Variants in NRG3 observed in about 807,000 individuals in gnomAD.
The protein encoded by NRG3 is pro-neuregulin-3, membrane-bound isoform.
NRG3 carries 31 observed loss-of-function variants against 66.9 expected under a neutral mutation model. That is an observed-to-expected ratio of 0.46 (90% CI 0.35 to 0.63). The LOEUF (loss-of-function observed/expected upper bound fraction) is 0.63, where lower values mean the gene tolerates loss of function less well. Ranked by LOEUF, NRG3 falls within the 20% of genes least tolerant of loss-of-function variation. NRG3 has a pLI of 0.00. For missense variants in NRG3, 910 were observed against 878.9 expected (o/e 1.04, Z -0.45); for synonymous variants, 393 against 359.4 (o/e 1.09, Z -1.06).
chr10:82,770,704 G>A (rs1476294550), intron 3 of NRG3, among the ~76,000 whole-genome samples: 2 of 152,152 alleles, frequency 1.3e-5, no homozygotes, highest in Non-Finnish European at 2.9e-5. Context: ...CATAACCTCA[G>A]AAGGGCATAG....
chr10:82,927,023 C>G (rs2224628), intron 4 of NRG3, among the ~76,000 whole-genome samples: 56,949 of 151,766 alleles, frequency 0.38, 11,061 homozygotes, highest in East Asian at 0.62. Context: ...TTCCTCAGCA[C>G]CATCACTACT....
intron 1 of NRG3, among the ~76,000 whole-genome samples, chr10:82,210,502 G>A (rs191293889): frequency 1.2e-4 from 18 of 152,294 alleles, no homozygotes; most frequent in Admixed American, 2.6e-4. Flanking sequence ...AGATTGGGTT[G>A]TGCGAAAGAG....
chr10:82,858,592 T>C (rs140638216), intron 3 of NRG3, among the ~76,000 whole-genome samples: 1 of 152,338 alleles, frequency 6.6e-6, no homozygotes, highest in Admixed American at 6.5e-5. Context: ...TCAGTTGCAA[T>C]GGACTACCTC....
intron 1 of NRG3, among the ~76,000 whole-genome samples, chr10:81,916,345 A>G (rs1845705092): frequency 6.6e-6 from 1 of 152,204 alleles, no homozygotes; most frequent in African/African-American, 2.4e-5. Flanking sequence ...TATAACTTGA[A>G]TTTAATGAAT....
chr10:82,654,737 A>G lies in NRG3; in HGVS notation c.954-83840A>G, dbSNP rs116762921. On this transcript the variant is annotated intron_variant, in intron 2 of 8. Transcript: ENST00000372141. Reference sequence around the variant, plus strand: ...CCAAGGATTTCAGAATCTATTAAAGAGACAGCTAGGGAAATTTATACAGCA... The same window carrying G: ...CCAAGGATTTCAGAATCTATTAAAGGGACAGCTAGGGAAATTTATACAGCA... Among the ~76,000 whole-genome samples, 759 of 152,308 alleles carry G rather than the reference A, an allele frequency of 5.0e-3. 5 individuals are homozygous for G. Among genetic ancestry groups the G allele is most frequent in the African/African-American group, 0.017 (706 of 41,578 alleles).
chr10:81,938,618 A>G (rs879213498), intron 1 of NRG3, among the ~76,000 whole-genome samples: 2 of 144,194 alleles, frequency 1.4e-5, no homozygotes, highest in East Asian at 4.2e-4. Context: ...GAGTTCTGAC[A>G]GTGTGTGTGT....
At chr10:82,277,677 G>T (rs1028562381) in intron 1 of NRG3, among the ~76,000 whole-genome samples, 2 of 152,002 alleles carry the variant, frequency 1.3e-5, no homozygotes, top group Admixed American at 1.3e-4. Context: ...CTCCGTGCTG[G>T]TCTGCTTACC....
At chr10:82,486,687 C>T (rs183875753) in intron 2 of NRG3, among the ~76,000 whole-genome samples, 8 of 152,318 alleles carry the variant, frequency 5.3e-5, no homozygotes, top group East Asian at 3.9e-4. Flanking sequence ...GCTGGGATTA[C>T]AGGCGTGAGC....
intron 2 of NRG3, among the ~76,000 whole-genome samples, chr10:82,733,771 G>T (rs1429527012): frequency 6.6e-6 from 1 of 152,188 alleles, no homozygotes; most frequent in Non-Finnish European, 1.5e-5. Context: ...ATTGAAGAAT[G>T]ATCTGGAAAT....
chr10:82,510,014 A>G (rs1845028968), intron 2 of NRG3, among the ~76,000 whole-genome samples: 2 of 151,998 alleles, frequency 1.3e-5, no homozygotes, highest in Admixed American at 6.6e-5. Context: ...CTGCTTACCA[A>G]CTACCCCTGA....
chr10:82,135,601 C>T (rs987709518), intron 1 of NRG3, among the ~76,000 whole-genome samples: 4 of 151,992 alleles, frequency 2.6e-5, no homozygotes, highest in African/African-American at 9.7e-5. Flanking sequence ...CATCTGCTTG[C>T]CCTATTCTGC....
chr10:82,245,751 T>G (rs1041170721), intron 1 of NRG3, among the ~76,000 whole-genome samples: 1 of 152,158 alleles, frequency 6.6e-6, no homozygotes, highest in African/African-American at 2.4e-5. Context: ...GGACATGAAT[T>G]TAACCACACA....
chr10:82,969,692 T>G (rs917860624), intron 6 of NRG3, among the ~76,000 whole-genome samples: 1 of 152,232 alleles, frequency 6.6e-6, no homozygotes, highest in Non-Finnish European at 1.5e-5. Context: ...TGCAAAACCT[T>G]GATATGTTCC....
chr10:82,058,277 A>G (rs1564778458), intron 1 of NRG3, among the ~76,000 whole-genome samples: 1 of 151,976 alleles, frequency 6.6e-6, no homozygotes, highest in Admixed American at 6.6e-5. Context: ...TAACTTTGAT[A>G]AAAGTGCTGT....
chr10:82,674,927 G>A lies in NRG3; in HGVS notation c.954-63650G>A, dbSNP rs569031298. Among the ~76,000 whole-genome samples the A allele has an allele frequency of 4.9e-5, 7 of 142,876 alleles. No homozygotes were observed. In the South Asian group the frequency reaches 1.1e-3, roughly 22 times the overall value. The allele number at this position is 142,876 out of a possible 152,430, so 93.7% of individuals were successfully genotyped here. A position where few individuals can be genotyped will look rare whatever the true frequency, so the allele number is the denominator to read the frequency against. ...CTCCTCAAAGGCTTCTAGATTAGGG[G>A]GTTTTATTTATATTTATTTATTTAT... On this transcript the variant is annotated intron_variant, in intron 2 of 8. Coordinates refer to ENST00000372141, the MANE Select transcript of NRG3 (RefSeq NM_001010848.4).
chr10:82,466,499 G>A (rs1190559001), intron 2 of NRG3, among the ~76,000 whole-genome samples: 1 of 152,048 alleles, frequency 6.6e-6, no homozygotes, highest in African/African-American at 2.4e-5. Context: ...CAGAATTATT[G>A]GACTAGGAAA....
chr10:82,074,924 T>C (rs1305734481), intron 1 of NRG3, among the ~76,000 whole-genome samples: 2 of 152,204 alleles, frequency 1.3e-5, no homozygotes, highest in Non-Finnish European at 1.5e-5. Flanking sequence ...ACCTGTCTTT[T>C]GCCAGCAGTA....
chr10:82,493,127 A>G (rs1843303224), intron 2 of NRG3, among the ~76,000 whole-genome samples: 2 of 151,584 alleles, frequency 1.3e-5, no homozygotes, highest in African/African-American at 2.4e-5. Context: ...TTTAATTTCA[A>G]TTTTTATTTT....
chr10:82,049,686 A>G (rs2063496526), intron 1 of NRG3, among the ~76,000 whole-genome samples: 1 of 151,956 alleles, frequency 6.6e-6, no homozygotes, highest in South Asian at 2.1e-4. Context: ...TTCAAAAGAG[A>G]GGGTCTATGG....
Sources: allele counts gnomAD v4.1 joint callset (sites outside exome capture counted in the v4.1 genomes callset), GRCh38; gene constraint gnomAD v4.1.1; transcripts MANE v1.5; gene names NCBI Gene and HGNC (gene_info 2026-07-23, HGNC 2026-07-21).